Variants in SLC39A9 observed in about 807,000 individuals in gnomAD.
The protein encoded by SLC39A9 is solute carrier family 39 member 9.
A neutral mutation model predicts 28.4 loss-of-function variants in SLC39A9; 14 were observed. The observed-to-expected ratio is 0.49, with a 90% CI of 0.33 to 0.77. The LOEUF (loss-of-function observed/expected upper bound fraction) is 0.77. Ranked by LOEUF, SLC39A9 falls within the 30% of genes least tolerant of loss-of-function variation. SLC39A9 has a pLI of 0.02. For missense variants in SLC39A9, 283 were observed against 381.1 expected (o/e 0.74, Z 2.14); for synonymous variants, 119 against 149.6 (o/e 0.80, Z 1.49).
At chr14:69,433,516 T>C (rs1176730814) in intron 2 of SLC39A9, among the ~76,000 whole-genome samples, 1 of 152,208 alleles carries the variant, frequency 6.6e-6, no homozygotes, top group Non-Finnish European at 1.5e-5. Flanking sequence ...TAATATTTCT[T>C]CCATAAATAT....
In SLC39A9 at chr14:69,445,901, T is replaced by C. The variant is rs569095406; in HGVS notation, c.403+3635T>C. 2.4e-4 allele frequency among the ~76,000 whole-genome samples: 36 copies of C among 152,298 alleles called. No individual in the cohort carries two copies. In the South Asian group the frequency reaches 7.5e-3, roughly 32 times the overall value. ...GATGAATTGTATTTCAAGTGAATAA[T>C]ACAATCACACTGAAGGGATTTAACA... On this transcript the variant is annotated intron_variant, in intron 3 of 6. Coordinates refer to ENST00000336643, the MANE Select transcript of SLC39A9 (RefSeq NM_018375.5).
At chr14:69,421,146 C>T (rs1446380393) in intron 1 of SLC39A9, among the ~76,000 whole-genome samples, 4 of 152,218 alleles carry the variant, frequency 2.6e-5, no homozygotes, top group African/African-American at 9.6e-5. Flanking sequence ...TACCTTTGGT[C>T]TTTGATGATG....
chr14:69,414,493 G>T (rs928855778), intron 1 of SLC39A9, among the ~76,000 whole-genome samples: 11 of 152,158 alleles, frequency 7.2e-5, no homozygotes, highest in Admixed American at 2.6e-4. Flanking sequence ...TTTTGGAAGG[G>T]CCTTTTAGTA....
chr14:69,450,512 C>T (rs544645630), intron 3 of SLC39A9, among the ~76,000 whole-genome samples: 39 of 152,182 alleles, frequency 2.6e-4, no homozygotes, highest in Middle Eastern at 3.4e-3. Context: ...CAATGGTGCA[C>T]GCCTGTAATC....
intron 2 of SLC39A9, among the ~76,000 whole-genome samples, chr14:69,429,816 C>T (rs1196920984): frequency 2.0e-5 from 3 of 152,242 alleles, no homozygotes; most frequent in Non-Finnish European, 4.4e-5. Flanking sequence ...ATTTTGCATT[C>T]TCATCAATAA....
intron 2 of SLC39A9, chr14:69,441,846 A>C: frequency 1.5e-6 from 2 of 1,298,104 alleles, no homozygotes; most frequent in Non-Finnish European, 2.0e-6. Context: ...TGAGAATAAT[A>C]GGCAGTCAGA....
chr14:69,446,347 A>G (rs989181007), intron 3 of SLC39A9, among the ~76,000 whole-genome samples: 16 of 151,782 alleles, frequency 1.1e-4, no homozygotes, highest in African/African-American at 3.9e-4. Flanking sequence ...TCCCACTAGC[A>G]TGAGCAAGCC....
At chr14:69,458,303 C>T in intron 6 of SLC39A9, 60 bp from the exon 7 acceptor site, 2 of 1,587,390 alleles carry the variant, frequency 1.3e-6, no homozygotes, top group South Asian at 1.2e-5. Flanking sequence ...ACTGGGACTT[C>T]TTCCTGACCC....
intron 2 of SLC39A9, among the ~76,000 whole-genome samples, chr14:69,426,513 C>A (rs1884199604): frequency 6.6e-6 from 1 of 152,162 alleles, no homozygotes; most frequent in Non-Finnish European, 1.5e-5. Flanking sequence ...GGTGCGCCAC[C>A]CTCCTGGCAC....
chr14:69,447,333 G>T (rs995606033), intron 3 of SLC39A9, among the ~76,000 whole-genome samples: 1 of 152,176 alleles, frequency 6.6e-6, no homozygotes, highest in African/African-American at 2.4e-5. Context: ...AGCAAATTCT[G>T]GAAGGGAGTC....
chr14:69,407,530 G>A (rs566257583), intron 1 of SLC39A9, among the ~76,000 whole-genome samples: 1 of 151,882 alleles, frequency 6.6e-6, no homozygotes, highest in South Asian at 2.1e-4. Context: ...TAGAGACAGG[G>A]TTTCTCCATG....
chr14:69,447,865 A>G (rs1411550757), intron 3 of SLC39A9, among the ~76,000 whole-genome samples: 1 of 148,094 alleles, frequency 6.8e-6, no homozygotes, highest in Non-Finnish European at 1.5e-5. Flanking sequence ...GTGAGCCAAT[A>G]TTGTGCCACT....
At chr14:69,401,016 T>C (rs910585487) in intron 1 of SLC39A9, among the ~76,000 whole-genome samples, 3 of 151,382 alleles carry the variant, frequency 2.0e-5, no homozygotes, top group African/African-American at 7.3e-5. Context: ...ATCAGTGACA[T>C]ATAGATGAGG....
intron 3 of SLC39A9, among the ~76,000 whole-genome samples, chr14:69,445,336 AGAT>A (rs1167616022): frequency 6.6e-6 from 1 of 152,134 alleles, no homozygotes; most frequent in East Asian, 1.9e-4. Flanking sequence ...CTCAATGTGA[AGAT>A]GATGAGGATG....
chr14:69,421,675 G>A (rs961565822), intron 1 of SLC39A9, among the ~76,000 whole-genome samples: 3 of 152,084 alleles, frequency 2.0e-5, no homozygotes, highest in Non-Finnish European at 4.4e-5. Context: ...CGAGCTTCCC[G>A]GCCATTTTGT....
chr14:69,452,676 T>G (rs1274624459), intron 3 of SLC39A9, among the ~76,000 whole-genome samples: 1 of 152,166 alleles, frequency 6.6e-6, no homozygotes, highest in Non-Finnish European at 1.5e-5. Context: ...TGTGTAAGAT[T>G]AATTATATTA....
chr14:69,432,587 C>G (rs1447103007), intron 2 of SLC39A9, among the ~76,000 whole-genome samples: 1 of 152,034 alleles, frequency 6.6e-6, no homozygotes, highest in Admixed American at 6.6e-5. Flanking sequence ...GTTTTTGTTG[C>G]AATTGCTTTT....
rs1886101730 is a variant in SLC39A9, at chr14:69,461,311, C to T, written c.*2718C>T. 9.5e-7 allele frequency: 1 copy of T among 1,048,568 alleles called. No homozygotes were observed. Among genetic ancestry groups the T allele is most frequent in the Non-Finnish European group, 1.2e-6 (1 of 866,728 alleles). The allele number at this position is 1,048,568 out of a possible 1,614,324, so 65.0% of individuals were successfully genotyped here. On this transcript the variant is annotated 3_prime_UTR_variant, in exon 7 of 7. Coordinates refer to ENST00000336643, the MANE Select transcript of SLC39A9 (RefSeq NM_018375.5). ...AATTAAGTTAAAGAATACTACTGCT[C>T]CATTCCCCTCACTTATTCTCCAGTT...
intron 1 of SLC39A9, among the ~76,000 whole-genome samples, chr14:69,415,102 G>C (rs920169212): frequency 6.6e-6 from 1 of 152,228 alleles, no homozygotes; most frequent in South Asian, 2.1e-4. Flanking sequence ...TCTTGATGTA[G>C]CTTCTATGAA....
Sources: gnomAD v4.1 joint callset for allele counts (sites outside exome capture counted in the v4.1 genomes callset) on GRCh38, gnomAD v4.1.1 for gene constraint, MANE v1.5 for transcripts, NCBI Gene and HGNC (gene_info 2026-07-23, HGNC 2026-07-21) for gene names.